Variants in CFTR observed in about 807,000 individuals in gnomAD.
CFTR encodes the protein cystic fibrosis transmembrane conductance regulator.
In CFTR, 181 loss-of-function variants were observed where a neutral mutation model predicts 171.6. That is an observed-to-expected ratio of 1.05 (90% CI 0.93 to 1.19). The LOEUF (loss-of-function observed/expected upper bound fraction) is 1.19, where lower values mean the gene tolerates loss of function less well. Among genes scored for constraint, CFTR ranks in the 50% most tolerant of loss-of-function variants. CFTR has a pLI of 0.00. For synonymous variants in CFTR, 583 were observed against 608.0 expected (o/e 0.96, Z 0.60); for missense variants, 1,968 against 1,734.7 (o/e 1.13, Z -2.39).
chr7:117,609,273 C>A (rs1213994847), intron 18 of CFTR, among the ~76,000 whole-genome samples: 1 of 152,116 alleles, frequency 6.6e-6, no homozygotes, highest in Admixed American at 6.6e-5. Flanking sequence ...TTACCTTGAG[C>A]AGACACTTAT....
At position 117,548,865 on chromosome 7, in the gene CFTR, T is replaced by C. The variant is rs367758627; in HGVS notation, c.1392+42T>C. ...TCACTATTAAGAACTTAATTTGGTG[T>C]CCATGTCTCTTTTTTTTTCTAGTTT... On this transcript the variant is annotated intron_variant, in intron 10 of 26. Coordinates refer to ENST00000003084, the MANE Select transcript of CFTR (RefSeq NM_000492.4). 1.1e-4 allele frequency: 177 copies of C among 1,574,932 alleles called. No homozygotes were observed. The highest frequency in any genetic ancestry group is 1.4e-4 in the Non-Finnish European group (162 of 1,158,068).
intron 8 of CFTR, 26 bp downstream of exon 8, chr7:117,540,372 A>C (rs767722148): frequency 1.3e-6 from 2 of 1,594,174 alleles, no homozygotes; most frequent in Non-Finnish European, 8.6e-7. Context: ...GCTGCATTAT[A>C]TACTATGATT....
rs138257490 is a variant in CFTR at position 117,486,896 on chromosome 7, GGAGA to G, written c.53+6768_53+6771del. Among the ~76,000 whole-genome samples, 639 of 113,586 alleles carry G rather than the reference GGAGA, an allele frequency of 5.6e-3. 3 individuals carry two copies. Among genetic ancestry groups the G allele is most frequent in the African/African-American group, 0.019 (558 of 29,858 alleles). 74.5% of individuals were successfully genotyped at this position (113,586 alleles called of 152,430 possible). On this transcript the variant is annotated intron_variant, in intron 1 of 26. Coordinates refer to ENST00000003084, the MANE Select transcript of CFTR (RefSeq NM_000492.4). Reference sequence around the variant, plus strand: ...GGGTGGGGTGGGGGGGAGGGGGCGGGGAGAGAGAGAGAGAGAGAGAGATTTGAAA... The same window carrying G: ...GGGTGGGGTGGGGGGGAGGGGGCGGGGAGAGAGAGAGAGAGAGATTTGAAA...
intron 18 of CFTR, 63 bp downstream of exon 18, chr7:117,606,816 A>C: frequency 5.3e-6 from 5 of 951,464 alleles, no homozygotes; most frequent in Non-Finnish European, 8.6e-6. Flanking sequence ...ACAAAAGCAA[A>C]TGTGATTTTG....
At chr7:117,504,016 A>G (rs1282833657) in intron 1 of CFTR, among the ~76,000 whole-genome samples, 1 of 152,158 alleles carries the variant, frequency 6.6e-6, no homozygotes, top group African/African-American at 2.4e-5. Flanking sequence ...CCATACTATT[A>G]TTCCCTCCCA....
chr7:117,546,205 G>A (rs1799144850), intron 9 of CFTR, among the ~76,000 whole-genome samples: 1 of 151,932 alleles, frequency 6.6e-6, no homozygotes, highest in Non-Finnish European at 1.5e-5. Flanking sequence ...TCTTGGCCAG[G>A]CTTGTCTTGA....
rs570764516 is a variant in CFTR at position 117,519,600 on chromosome 7, T to G, written c.273+10458T>G. ...ATTAATAATCAGAATAATCAGATAA[T>G]TACTGGTAAATTTGATGTTAATCCT... On this transcript the variant is annotated intron_variant, in intron 3 of 26. Coordinates refer to ENST00000003084, the MANE Select transcript of CFTR (RefSeq NM_000492.4). Among the ~76,000 whole-genome samples, 63 of 152,144 alleles carry G rather than the reference T, an allele frequency of 4.1e-4. No individual in the cohort carries two copies. The Middle Eastern group carries it at 0.024, about 57-fold the overall frequency.
intron 15 of CFTR, among the ~76,000 whole-genome samples, chr7:117,597,932 G>A (rs1267512480): frequency 2.0e-5 from 3 of 152,118 alleles, no homozygotes; most frequent in African/African-American, 7.2e-5. Flanking sequence ...TGGATCATGA[G>A]CAGCCACATA....
intron 18 of CFTR, among the ~76,000 whole-genome samples, chr7:117,607,075 A>AT (rs1792311003): frequency 6.6e-6 from 1 of 152,072 alleles, no homozygotes; most frequent in Non-Finnish European, 1.5e-5. Context: ...TGGCATTGGC[A>AT]TCACTATTTG....
intron 23 of CFTR, among the ~76,000 whole-genome samples, chr7:117,652,506 A>G (rs1169206364): frequency 6.6e-6 from 1 of 152,146 alleles, no homozygotes; most frequent in Non-Finnish European, 1.5e-5. Flanking sequence ...TTAATTTTAT[A>G]TTACATTTGC....
intron 3 of CFTR, among the ~76,000 whole-genome samples, chr7:117,514,931 A>G (rs750574103): frequency 3.4e-4 from 52 of 151,936 alleles, no homozygotes; most frequent in Non-Finnish European, 6.8e-4. Flanking sequence ...TTTTTAAAAT[A>G]TGTTTGTTGG....
intron 11 of CFTR, among the ~76,000 whole-genome samples, chr7:117,581,495 TA>T (rs1487353938): frequency 6.6e-6 from 1 of 152,212 alleles, no homozygotes. Context: ...AATATCTCAT[TA>T]CAAAATTATG....
At chr7:117,529,180 A>G (rs1458134254) in intron 3 of CFTR, among the ~76,000 whole-genome samples, 5 of 91,318 alleles carry the variant, frequency 5.5e-5, no homozygotes, top group African/African-American at 2.6e-4. Flanking sequence ...GGAATACTAT[A>G]CAGCCATAAA....
intron 7 of CFTR, among the ~76,000 whole-genome samples, chr7:117,538,494 T>C (rs1189018811): frequency 6.6e-6 from 1 of 152,180 alleles, no homozygotes; most frequent in Non-Finnish European, 1.5e-5. Flanking sequence ...TTCTCAGCTC[T>C]AGTTAATATA....
intron 5 of CFTR, 81 bp from the exon 6 acceptor site, chr7:117,535,167 G>A (rs997209577): frequency 6.9e-7 from 1 of 1,459,852 alleles, no homozygotes; most frequent in Admixed American, 1.7e-5. Flanking sequence ...CCTTTTACTT[G>A]CTTTCTTTCA....
Position 117,614,652 on chromosome 7 carries a change from C to T in CFTR, c.3407C>T (p.Ala1136Val), listed in dbSNP as rs1562916044. 2.5e-6 allele frequency: 4 copies of T among 1,612,004 alleles called. No individual in the cohort carries two copies. Among genetic ancestry groups the T allele is most frequent in the Admixed American group, 3.3e-5 (2 of 59,938 alleles). The change falls in exon 21 of 27, where the codon GCC becomes GTC. Residue 1136 changes from alanine to valine, a missense_variant. Physicochemically the swap from Ala to Val is moderately conservative, Grantham distance 64 (BLOSUM62 0). Coordinates refer to ENST00000003084, the MANE Select transcript of CFTR (RefSeq NM_000492.4). ...EGRVGIILTL[A>V]MNIMSTLQWA... ...AGAGTTGGTATTATCCTGACTTTAG[C>T]CATGAATATCATGAGTACATTGCAG... is the stretch of plus-strand genomic sequence containing the variant.
At chr7:117,609,178 T>C (rs1047539019) in intron 18 of CFTR, among the ~76,000 whole-genome samples, 1 of 152,206 alleles carries the variant, frequency 6.6e-6, no homozygotes, top group South Asian at 2.1e-4. Flanking sequence ...ACTTTGACAA[T>C]GTTCTGACAA....
intron 11 of CFTR, among the ~76,000 whole-genome samples, chr7:117,584,815 T>C (rs1791904884): frequency 6.6e-6 from 1 of 152,202 alleles, no homozygotes; most frequent in African/African-American, 2.4e-5. Flanking sequence ...GGGATGTGTT[T>C]CCATTTGTTT....
chr7:117,611,885 T>C, intron 20 of CFTR, 77 bp downstream of exon 20: 1 of 950,952 alleles, frequency 1.1e-6, no homozygotes, highest in Middle Eastern at 2.8e-4. Flanking sequence ...ATTCTATAGG[T>C]TATCAATTTT....
Sources: allele counts gnomAD v4.1 joint callset (sites outside exome capture counted in the v4.1 genomes callset), GRCh38; gene constraint gnomAD v4.1.1; transcripts MANE v1.5; gene names NCBI Gene and HGNC (gene_info 2026-07-23, HGNC 2026-07-21).